The following TOP2A variants were observed in gnomAD, a reference collection of about 807,000 sequenced individuals.
TOP2A encodes the protein DNA topoisomerase II alpha.
TOP2A carries 68 observed loss-of-function variants against 187.2 expected under a neutral mutation model. The ratio of observed to expected loss-of-function variants is 0.36; its 90% confidence interval spans 0.30 to 0.44. The LOEUF is 0.44. Ranked by LOEUF, TOP2A falls within the 20% of genes least tolerant of loss-of-function variation. The pLI is 1.00. For missense variants in TOP2A, 1,196 were observed against 1,808.7 expected, an observed-to-expected ratio of 0.66 and a Z score of 6.14; for synonymous variants, 542 against 593.2, an observed-to-expected ratio of 0.91 and a Z score of 1.25.
chr17:40,400,990 T>A lies in TOP2A; in HGVS notation c.2524A>T (p.Ile842Phe). The change falls in exon 21 of 35, where the codon ATT becomes TTT. Residue 842 changes from isoleucine (I) to phenylalanine (F), a missense_variant. Ile to Phe is a conservative substitution (Grantham distance 21, BLOSUM62 0). Transcript: ENST00000423485. ...ATCAGCACCATGGGAATAATAGGAATGTACCATTCAGGCTCAACACGCTGG... is the reference window on the plus strand; with the variant it reads ...ATCAGCACCATGGGAATAATAGGAAAGTACCATTCAGGCTCAACACGCTGG... Reference protein sequence around the residue: ...DNQRVEPEWYIPIIPMVLING... With the variant: ...DNQRVEPEWYFPIIPMVLING... The A allele has an allele frequency of 6.2e-7, 1 of 1,613,992 alleles. No homozygotes were observed. The highest frequency in any genetic ancestry group is 2.2e-5 in the East Asian group (1 of 44,876).
rs2035215202 is a variant in TOP2A at position 40,404,435 on chromosome 17, C to T, written c.2103G>A (p.Lys701=). The change falls in exon 18 of 35, where the codon AAG becomes AAA. Residue 701 remains lysine, a synonymous_variant. Coordinates refer to ENST00000423485, the MANE Select transcript of TOP2A (RefSeq NM_001067.4). ...CAGAATTTGAGAACAAGATAAGTTCCTTGTTGATGAAGTCATTATATGTCA... is the reference window on the plus strand; with the variant it reads ...CAGAATTTGAGAACAAGATAAGTTCTTTGTTGATGAAGTCATTATATGTCA... ...TYLTYNDFIN[K]ELILFSNSDN... 1.2e-6 allele frequency: 2 copies of T among 1,612,354 alleles called. No individual in the cohort carries two copies. Among genetic ancestry groups the T allele is most frequent in the African/African-American group, 2.7e-5 (2 of 74,872 alleles).
rs888823528 is a variant in TOP2A at position 40,405,042 on chromosome 17, T to C, written c.1954-159A>G. Among the ~76,000 whole-genome samples, 3 of 151,004 alleles carry C rather than the reference T, an allele frequency of 2.0e-5. No homozygotes were observed. The East Asian group carries it at 5.8e-4, about 29-fold the overall frequency. The stretch of plus-strand genomic sequence containing the variant: ...TACTGTTCTCTTGCCCAGCCTGGAG[T>C]GCAATGGTGTCATCTTGGCTCACTG... On this transcript the variant is annotated intron_variant, in intron 16 of 34. Coordinates refer to ENST00000423485, the MANE Select transcript of TOP2A (RefSeq NM_001067.4).
chr17:40,397,698 C>T (rs944783674), intron 27 of TOP2A, among the ~76,000 whole-genome samples: 5 of 152,080 alleles, frequency 3.3e-5, no homozygotes, highest in Non-Finnish European at 7.4e-5. Flanking sequence ...AAAATCAACT[C>T]CTGCTCTTTT....
chr17:40,396,858 A>G (rs2715558), intron 27 of TOP2A, among the ~76,000 whole-genome samples: 1,679 of 151,758 alleles, frequency 0.011, 31 homozygotes, highest in African/African-American at 0.039. Context: ...ACAAATTTGC[A>G]TGTTAAATTT....
At chr17:40,395,164 TC>T (rs2035076440) in intron 29 of TOP2A, among the ~76,000 whole-genome samples, 1 of 150,490 alleles carries the variant, frequency 6.6e-6, no homozygotes, top group Non-Finnish European at 1.5e-5. Context: ...GCACCTATAA[TC>T]CCAGCTACTC....
In TOP2A at chr17:40,407,577, T is replaced by C; in HGVS notation, c.1598A>G (p.Tyr533Cys). The change falls in exon 13 of 35, where the codon TAT (tyrosine) becomes TGT (cysteine). Residue 533 changes from tyrosine (Y) to cysteine (C), a missense_variant. By Grantham distance (194) the Tyr-to-Cys change is radical. Coordinates refer to ENST00000423485, the MANE Select transcript of TOP2A (RefSeq NM_001067.4). ...ATCTGTCATAATCATTATCTTCCCA[T>C]AACGAAGCGTCTTCAATGAATCTTC... ...EDEDSLKTLRYGKIMIMTDQD... is the reference protein window; with the variant it reads ...EDEDSLKTLRCGKIMIMTDQD... 1 of 1,592,154 alleles carries C rather than the reference T, an allele frequency of 6.3e-7. No homozygotes were observed. The highest frequency in any genetic ancestry group is 8.5e-7 in the Non-Finnish European group (1 of 1,175,050).
rs775132355 is a variant in TOP2A, at chr17:40,396,361, C to T, written c.3642G>A (p.Pro1214=). ...KTQMAEVLPS[P]RGQRVIPRIT... ...TTCGTGGAATGACTCTTTGACCACG[C>T]GGAGAAGGCAAAACTTCAGCCATTT... is the stretch of plus-strand genomic sequence containing the variant. Residue 1214 remains proline, a synonymous_variant, in exon 28 of 35, where the codon CCG becomes CCA. Coordinates refer to ENST00000423485, the MANE Select transcript of TOP2A (RefSeq NM_001067.4). 1.4e-5 allele frequency: 23 copies of T among 1,613,786 alleles called. No individual in the cohort carries two copies. The highest frequency in any genetic ancestry group is 1.3e-4 in the South Asian group (12 of 91,066).
chr17:40,395,332 C>T (rs1293298871), intron 29 of TOP2A, 117 bp downstream of exon 29: 5 of 468,142 alleles, frequency 1.1e-5, no homozygotes, highest in African/African-American at 2.1e-5. Flanking sequence ...GAGATACAGT[C>T]CTCTTTCACG....
chr17:40,409,349 C>T, intron 10 of TOP2A: 1 of 405,592 alleles, frequency 2.5e-6, no homozygotes, highest in South Asian at 1.8e-5. Context: ...GCACTCCAGC[C>T]TGGGAAACAG....
intron 13 of TOP2A, among the ~76,000 whole-genome samples, chr17:40,407,196 G>A (rs750073596): frequency 3.3e-5 from 5 of 152,132 alleles, no homozygotes; most frequent in Admixed American, 2.0e-4. Flanking sequence ...CCCATGAGGC[G>A]GAGGTTGCAG....
rs1199340896 is a variant in TOP2A at position 40,416,863 on chromosome 17, T to C, written c.54A>G (p.Ile18Met). The C allele has an allele frequency of 1.2e-6, 2 of 1,605,662 alleles. No individual in the cohort carries two copies. The highest frequency in any genetic ancestry group is 2.7e-5 in the African/African-American group (2 of 74,318). The part of the protein sequence containing the change: ...PVNENMQVNK[I>M]KKNEDAKKRL... ...TTTTCTTAGCATCTTCATTTTTCTT[T>C]ATTTTGTTGACTTGCATATTTTCAT... Residue 18 changes from isoleucine (I) to methionine (M), a missense_variant, in exon 2 of 35, where the codon ATA (isoleucine) becomes ATG (methionine). Ile to Met is a conservative substitution (Grantham distance 10). Around this residue, in one of 10 missense-constraint regions of TOP2A, gnomAD observed 97 missense variants for 171.0 expected, o/e 0.57. Coordinates refer to ENST00000423485, the MANE Select transcript of TOP2A (RefSeq NM_001067.4).
At chr17:40,409,502 T>C (rs967544038) in intron 10 of TOP2A, 68 of 444,136 alleles carry the variant, frequency 1.5e-4, no homozygotes, top group African/African-American at 1.3e-3. Context: ...CTTACGCCTG[T>C]AATCACAGCA....
At chr17:40,403,110 T>C in intron 19 of TOP2A, 56 bp from the exon 20 acceptor site, 1 of 1,483,704 alleles carries the variant, frequency 6.7e-7, no homozygotes, top group Non-Finnish European at 9.2e-7. Context: ...AAATACATTA[T>C]GACTTAACCT....
intron 10 of TOP2A, 38 bp from the exon 11 acceptor site, chr17:40,408,668 G>A (rs1275023696): frequency 1.3e-6 from 2 of 1,599,838 alleles, no homozygotes; most frequent in Non-Finnish European, 1.7e-6. Context: ...ATCATATTAG[G>A]GAAGAAGGGA....
rs2035005472 is a variant in TOP2A, at chr17:40,390,220, A to G, written c.4268-56T>C. 7 of 1,493,936 alleles carry G rather than the reference A, an allele frequency of 4.7e-6. No individual in the cohort carries two copies. In the South Asian group the frequency reaches 6.5e-5, roughly 14 times the overall value. 92.5% of individuals were successfully genotyped at this position (1,493,936 alleles called of 1,614,324 possible). On this transcript the variant is annotated intron_variant, in intron 33 of 34. Transcript: ENST00000423485. ...TGCTCTTTTTTTGAGATGGGGTCTC[A>G]CTCTATCGTCCAGGCTGGAGTGCAG...
intron 12 of TOP2A, 58 bp downstream of exon 12, chr17:40,407,909 G>T: frequency 2.0e-6 from 3 of 1,494,476 alleles, no homozygotes; most frequent in Non-Finnish European, 2.7e-6. Flanking sequence ...TTAAATATAA[G>T]CATAAAGTCT....
At chr17:40,408,428 G>A in intron 11 of TOP2A, 64 bp downstream of exon 11, 1 of 1,438,674 alleles carries the variant, frequency 7.0e-7, no homozygotes. Context: ...TCCGTGGTAT[G>A]CCATTAATGA....
At chr17:40,404,948 TCTA>T (rs1163061277) in intron 16 of TOP2A, 65 bp from the exon 17 acceptor site, 1 of 968,776 alleles carries the variant, frequency 1.0e-6, no homozygotes, top group Non-Finnish European at 1.6e-6. Flanking sequence ...AAAATATCCT[TCTA>T]CAAAGAACGA....
intron 4 of TOP2A, 22 bp from the exon 5 acceptor site, chr17:40,413,647 T>C (rs1598619891): frequency 2.5e-6 from 3 of 1,186,366 alleles, no homozygotes; most frequent in East Asian, 5.3e-5. Flanking sequence ...AGATTGAAAA[T>C]TGTATTTTAC....
Sources: gnomAD v4.1 joint callset for allele counts (sites outside exome capture counted in the v4.1 genomes callset) on GRCh38, gnomAD v4.1.1 for gene constraint, gnomAD v4.1.1 regional missense constraint, MANE v1.5 for transcripts, NCBI Gene and HGNC (gene_info 2026-07-23, HGNC 2026-07-21) for gene names.